Variants in MED16 observed in about 807,000 individuals in gnomAD.
The protein encoded by MED16 is mediator complex subunit 16.
A neutral mutation model predicts 84.4 loss-of-function variants in MED16; 81 were observed. The observed-to-expected ratio is 0.96, with a 90% confidence interval of 0.80 to 1.15. The LOEUF (loss-of-function observed/expected upper bound fraction) is 1.15. Ranked by LOEUF, MED16 falls within the 50% of genes most tolerant of loss-of-function variation. The pLI is 0.00. For missense variants in MED16, 1,585 were observed against 1,245.9 expected (o/e 1.27, Z -4.10); for synonymous variants, 897 against 552.2 (o/e 1.62, Z -8.76).
chr19:879,484 C>G (rs1429748959), intron 8 of MED16, among the ~76,000 whole-genome samples: 19 of 134,308 alleles, frequency 1.4e-4, no homozygotes, highest in East Asian at 2.4e-4. Context: ...TGCCCACCAG[C>G]CCCAGCCCCA....
rs1450122624 is a variant in MED16 at position 879,959 on chromosome 19, A to G, written c.1331T>C (p.Val444Ala). ...MQLSWTSLAL[V>A]GIDSHGKLSV... Reference sequence around the variant, plus strand: ...CACCTTCCCGTGGCTGTCAATCCCCACCAGGGCCAGTGACGTCCACGATAG... The same window carrying G: ...CACCTTCCCGTGGCTGTCAATCCCCGCCAGGGCCAGTGACGTCCACGATAG... Residue 444 changes from valine (V) to alanine (A), a missense_variant, in exon 8 of 16, where the codon GTG (valine) becomes GCG (alanine). Val to Ala is a moderately conservative substitution (Grantham distance 64). Coordinates refer to ENST00000325464, the MANE Select transcript of MED16 (RefSeq NM_005481.3). 6.2e-7 allele frequency: 1 copy of G among 1,605,386 alleles called. No individual in the cohort carries two copies. Among genetic ancestry groups the G allele is most frequent in the East Asian group, 2.2e-5 (1 of 44,704 alleles).
At chr19:892,597 C>G (rs1349416904) in intron 1 of MED16, 1 of 145,480 alleles carries the variant, frequency 6.9e-6, no homozygotes, top group Non-Finnish European at 1.5e-5. Context: ...GACCCCCTAC[C>G]CTCTCCAGAC....
intron 6 of MED16, among the ~76,000 whole-genome samples, chr19:882,509 G>A (rs1243219875): frequency 6.6e-6 from 1 of 152,318 alleles, no homozygotes; most frequent in South Asian, 2.1e-4. Flanking sequence ...GGGCAACACA[G>A]CAAGAGCCTA....
chr19:868,413 C>T lies in MED16; in HGVS notation c.2483+3G>A. 6.2e-7 allele frequency: 1 copy of T among 1,609,756 alleles called. No individual in the cohort carries two copies. The highest frequency in any genetic ancestry group is 8.5e-7 in the Non-Finnish European group (1 of 1,179,846). On this transcript the variant is annotated splice_donor_region_variant and intron_variant, in intron 15 of 15. Coordinates refer to ENST00000325464, the MANE Select transcript of MED16 (RefSeq NM_005481.3). ...GGGCACCCGCCACCAGAGCCCACCGCACAGGCAGTTCTTGATCCAGCGCTG... is the reference window on the plus strand; with the variant it reads ...GGGCACCCGCCACCAGAGCCCACCGTACAGGCAGTTCTTGATCCAGCGCTG...
At chr19:886,711 C>A (rs1331603979) in intron 4 of MED16, among the ~76,000 whole-genome samples, 3 of 152,208 alleles carry the variant, frequency 2.0e-5, no homozygotes, top group Non-Finnish European at 2.9e-5. Context: ...TATTTGATTT[C>A]AAATCAAATT....
At chr19:891,310 G>A (rs917262690) in intron 1 of MED16, among the ~76,000 whole-genome samples, 161 bp from the exon 2 acceptor site, 8 of 152,228 alleles carry the variant, frequency 5.3e-5, no homozygotes, top group Non-Finnish European at 8.8e-5. Flanking sequence ...GGCCGAGGGG[G>A]AACATGGAGA....
chr19:885,318 C>T (rs945356297), intron 5 of MED16, among the ~76,000 whole-genome samples: 1 of 152,164 alleles, frequency 6.6e-6, no homozygotes, highest in Non-Finnish European at 1.5e-5. Flanking sequence ...ATCCAGGCGA[C>T]CTGGTGTGGT....
At chr19:879,322 C>T in intron 8 of MED16, among the ~76,000 whole-genome samples, 1 of 152,106 alleles carries the variant, frequency 6.6e-6, no homozygotes, top group African/African-American at 2.4e-5. Flanking sequence ...CCAAGCCCAG[C>T]CCCACGTGCC....
intron 13 of MED16, among the ~76,000 whole-genome samples, chr19:869,367 C>T (rs564952588): frequency 9.0e-4 from 121 of 135,038 alleles, no homozygotes; most frequent in African/African-American, 2.8e-3. Context: ...CTGGAGGTGC[C>T]GGGACCTCTG....
chr19:879,940 C>T lies in MED16; in HGVS notation c.1350G>A (p.Gly450=), dbSNP rs776529826. 32 of 1,597,964 alleles carry T rather than the reference C, an allele frequency of 2.0e-5. No individual in the cohort carries two copies. The South Asian group carries it at 2.0e-4, about 10-fold the overall frequency. ...SLALVGIDSH[G]KLSVLRLSPS... ...CCCACGTGCCCCAGCAGCTCACCTTCCCGTGGCTGTCAATCCCCACCAGGG... is the reference window on the plus strand; with the variant it reads ...CCCACGTGCCCCAGCAGCTCACCTTTCCGTGGCTGTCAATCCCCACCAGGG... The change falls in exon 8 of 16, where the codon GGG becomes GGA. Residue 450 remains glycine (G), a synonymous_variant. Coordinates refer to ENST00000325464, the MANE Select transcript of MED16 (RefSeq NM_005481.3).
chr19:871,407 T>G, intron 12 of MED16, among the ~76,000 whole-genome samples, 154 bp from the exon 13 acceptor site: 1 of 152,002 alleles, frequency 6.6e-6, no homozygotes, highest in Non-Finnish European at 1.5e-5. Context: ...TCTCACCAGG[T>G]CGGGGCCCCG....
chr19:891,068 C>T lies in MED16; in HGVS notation c.64G>A (p.Glu22Lys). 6.2e-7 allele frequency: 1 copy of T among 1,614,118 alleles called. No homozygotes were observed. The highest frequency in any genetic ancestry group is 8.5e-7 in the Non-Finnish European group (1 of 1,180,014). Residue 22 changes from glutamate (E) to lysine (K), a missense_variant, in exon 2 of 16, where the codon GAG becomes AAG. By Grantham distance (56) the Glu-to-Lys change is moderately conservative. Coordinates refer to ENST00000325464, the MANE Select transcript of MED16 (RefSeq NM_005481.3). ...CAGTGGGTGCTCTTGGACCATTTCT[C>T]CCACTCACAGACGTAGGCCAAGTCC... ...MMDLAYVCEW[E>K]KWSKSTHCPS...
intron 10 of MED16, among the ~76,000 whole-genome samples, chr19:874,739 G>A (rs1277796589): frequency 6.6e-6 from 1 of 152,042 alleles, no homozygotes; most frequent in Non-Finnish European, 1.5e-5. Context: ...CGGGTGTGGT[G>A]GCACGTGTCT....
intron 10 of MED16, among the ~76,000 whole-genome samples, chr19:874,372 A>C (rs1261548211): frequency 6.6e-6 from 1 of 152,044 alleles, no homozygotes; most frequent in South Asian, 2.1e-4. Flanking sequence ...TTGGCCTCCC[A>C]AAGTGCTGGG....
chr19:887,165 G>A (rs1024762634), intron 4 of MED16, among the ~76,000 whole-genome samples: 5 of 151,938 alleles, frequency 3.3e-5, no homozygotes, highest in Non-Finnish European at 7.4e-5. Flanking sequence ...GTATCGTACG[G>A]CTCCATTCTA....
chr19:874,060 G>A (rs1463230863), intron 10 of MED16, among the ~76,000 whole-genome samples: 2 of 152,172 alleles, frequency 1.3e-5, no homozygotes, highest in African/African-American at 2.4e-5. Context: ...ACGGCTCCCA[G>A]CTACCAGGAG....
chr19:871,133 C>A lies in MED16; in HGVS notation c.2219G>T (p.Ser740Ile), dbSNP rs772256334. 1 of 1,548,320 alleles carries A rather than the reference C, an allele frequency of 6.5e-7. No homozygotes were observed. Among genetic ancestry groups the A allele is most frequent in the Admixed American group, 2.0e-5 (1 of 50,956 alleles). ...AAGGGGCTGCTTGGGCTGCAGGCGG[C>A]TAACCAGGCCGTCGCTGGCTGGCAG... The part of the protein sequence containing the change: ...DWLPASDGLV[S>I]RLQPKQPLRL... Residue 740 changes from serine (S) to isoleucine (I), a missense_variant, in exon 13 of 16, where the codon AGC (serine) becomes ATC (isoleucine). Transcript: ENST00000325464.
At chr19:892,851 C>A (rs2036665529) in intron 1 of MED16, 1 of 151,370 alleles carries the variant, frequency 6.6e-6, no homozygotes. Flanking sequence ...CAGGCCTCCC[C>A]CAGGTTTCCG....
intron 3 of MED16, 106 bp downstream of exon 3, chr19:890,031 G>A (rs1448890222): frequency 4.5e-6 from 4 of 894,030 alleles, no homozygotes; most frequent in South Asian, 3.3e-5. Flanking sequence ...TGCAGACCAG[G>A]GGCTCTAGAC....
Sources: allele counts gnomAD v4.1 joint callset (sites outside exome capture counted in the v4.1 genomes callset), GRCh38; gene constraint gnomAD v4.1.1; transcripts MANE v1.5; gene names NCBI Gene and HGNC (gene_info 2026-07-23, HGNC 2026-07-21).